Variants in STK32B observed in about 807,000 individuals in gnomAD.
The protein encoded by STK32B is serine/threonine-protein kinase 32B.
STK32B carries 43 observed loss-of-function variants against 52.6 expected under a neutral mutation model. The ratio of observed to expected loss-of-function variants is 0.82; its 90% CI spans 0.64 to 1.05. The LOEUF (loss-of-function observed/expected upper bound fraction) is 1.05. STK32B is among the 50% of genes least tolerant of loss of function. STK32B has a pLI of 0.00. For missense variants in STK32B, 621 were observed against 534.6 expected, an observed-to-expected ratio of 1.16 and a Z score of -1.59; for synonymous variants, 238 against 204.3, an observed-to-expected ratio of 1.17 and a Z score of -1.41.
At chr4:5,498,026 C>CTGCA (rs763020337) in intron 11 of STK32B, among the ~76,000 whole-genome samples, 6 of 152,098 alleles carry the variant, frequency 3.9e-5, no homozygotes, top group Non-Finnish European at 8.8e-5. Flanking sequence ...CCTTAGCCTC[C>CTGCA]TGCAAAGTGA....
At chr4:5,436,586 T>C (rs898156974) in intron 6 of STK32B, 1 of 985,266 alleles carries the variant, frequency 1.0e-6, no homozygotes, top group African/African-American at 1.7e-5. Flanking sequence ...GAAGCTATGC[T>C]GCTCCTAGGG....
intron 5 of STK32B, among the ~76,000 whole-genome samples, chr4:5,403,602 G>A (rs1028655959): frequency 1.3e-5 from 2 of 152,126 alleles, no homozygotes; most frequent in African/African-American, 4.8e-5. Context: ...CTCATTAACT[G>A]AACTCGTTTC....
At chr4:5,042,582 G>A in the STK32B span, among the ~76,000 whole-genome samples, 4 of 152,232 alleles carry the variant, frequency 2.6e-5, no homozygotes. Flanking sequence ...GCCATGAAGA[G>A]CCATGGCTCG....
chr4:5,203,445 G>A (rs1722313435), intron 3 of STK32B, among the ~76,000 whole-genome samples: 1 of 151,914 alleles, frequency 6.6e-6, no homozygotes, highest in South Asian at 2.1e-4. Context: ...TTTTCAAAAA[G>A]CAGCTGACCA....
At chr4:5,336,169 C>T (rs1000916048) in intron 4 of STK32B, among the ~76,000 whole-genome samples, 4 of 148,352 alleles carry the variant, frequency 2.7e-5, no homozygotes, top group African/African-American at 5.0e-5. Context: ...CCCACACACC[C>T]ACCCACACAC....
chr4:5,066,175 A>G (rs1225138092), intron 1 of STK32B, among the ~76,000 whole-genome samples: 1 of 152,196 alleles, frequency 6.6e-6, no homozygotes, highest in Non-Finnish European at 1.5e-5. Context: ...AGAATTTCCT[A>G]GTTTAGTGTA....
intron 3 of STK32B, among the ~76,000 whole-genome samples, chr4:5,188,237 C>T (rs1456568789): frequency 6.6e-6 from 1 of 152,128 alleles, no homozygotes; most frequent in Admixed American, 6.5e-5. Context: ...ATGGAGGCCA[C>T]GATGCTCGAT....
At chr4:5,221,322 C>T (rs765295701) in intron 3 of STK32B, among the ~76,000 whole-genome samples, 4 of 152,132 alleles carry the variant, frequency 2.6e-5, no homozygotes, top group African/African-American at 4.8e-5. Flanking sequence ...TTAATGGGCA[C>T]GCATTCCTGA....
intron 3 of STK32B, among the ~76,000 whole-genome samples, chr4:5,205,591 T>G (rs1261658494): frequency 6.6e-6 from 1 of 152,180 alleles, no homozygotes; most frequent in Admixed American, 6.5e-5. Flanking sequence ...GATACGGTTT[T>G]CCATCTTGGT....
chr4:5,272,121 G>A (rs1476031174), intron 3 of STK32B, among the ~76,000 whole-genome samples: 1 of 146,638 alleles, frequency 6.8e-6, no homozygotes, highest in Admixed American at 6.7e-5. Flanking sequence ...TGTCCATTCA[G>A]TATGATATTG....
At chr4:5,446,563 A>ATC in intron 6 of STK32B, 110 bp from the exon 7 acceptor site, 1 of 1,005,232 alleles carries the variant, frequency 9.9e-7, no homozygotes. Context: ...TCTCAAAAAA[A>ATC]AACAAAAAAA....
intron 3 of STK32B, among the ~76,000 whole-genome samples, chr4:5,249,296 G>C (rs1158837635): frequency 6.6e-6 from 1 of 152,156 alleles, no homozygotes; most frequent in East Asian, 1.9e-4. Flanking sequence ...ACGGGGTTCA[G>C]AGAAGTTAAT....
intron 4 of STK32B, among the ~76,000 whole-genome samples, chr4:5,389,734 C>A (rs936062614): frequency 3.3e-5 from 5 of 152,290 alleles, no homozygotes; most frequent in South Asian, 2.1e-4. Flanking sequence ...AATGCCCCCC[C>A]CAAAGATGCC....
intron 2 of STK32B, among the ~76,000 whole-genome samples, chr4:5,147,249 A>G (rs1245287803): frequency 6.6e-6 from 1 of 152,124 alleles, no homozygotes; most frequent in Non-Finnish European, 1.5e-5. Flanking sequence ...GTTTACTAGT[A>G]GGTATAAAAA....
intron 3 of STK32B, among the ~76,000 whole-genome samples, chr4:5,274,069 A>T (rs918363360): frequency 2.0e-5 from 3 of 152,234 alleles, no homozygotes; most frequent in Non-Finnish European, 4.4e-5. Flanking sequence ...TTGCAAATTT[A>T]TCCATATATT....
Position 5,470,734 on chromosome 4 carries a change from C to G in STK32B, c.1106+2664C>G, listed in dbSNP as rs918086878. The stretch of plus-strand genomic sequence containing the variant: ...ATGCCTATGAGAAGTTGATTCATGA[C>G]TCATGATTGCCTCAAAACAAGCATT... On this transcript the variant is annotated intron_variant, in intron 11 of 11. Transcript: ENST00000282908. The surrounding 1 kb of genome is among the most constrained non-coding windows in gnomAD (Gnocchi z 4.6). Among the ~76,000 whole-genome samples, 1 of 152,224 alleles carries G rather than the reference C, an allele frequency of 6.6e-6. No individual in the cohort carries two copies. The highest frequency in any genetic ancestry group is 2.4e-5 in the African/African-American group (1 of 41,454).
intron 4 of STK32B, among the ~76,000 whole-genome samples, chr4:5,343,726 G>T (rs1733256758): frequency 6.6e-6 from 1 of 152,112 alleles, no homozygotes; most frequent in Non-Finnish European, 1.5e-5. Flanking sequence ...TTGACAAATG[G>T]GATCTAATTA....
intron 3 of STK32B, among the ~76,000 whole-genome samples, chr4:5,199,492 G>GTTT (rs75767057): frequency 9.9e-5 from 14 of 141,558 alleles, no homozygotes; most frequent in African/African-American, 3.3e-4. Flanking sequence ...TGTGAATGCT[G>GTTT]TTTTTTTTTT....
At chr4:5,357,695 C>G (rs937322476) in intron 4 of STK32B, among the ~76,000 whole-genome samples, 1 of 124,494 alleles carries the variant, frequency 8.0e-6, no homozygotes, top group African/African-American at 3.5e-5. Flanking sequence ...ACATTCTGAC[C>G]TGCTAGTTTC....
Sources: allele counts gnomAD v4.1 joint callset (sites outside exome capture counted in the v4.1 genomes callset), GRCh38; gene constraint gnomAD v4.1.1; non-coding constraint Gnocchi (gnomAD v3.1); transcripts MANE v1.5; gene names NCBI Gene and HGNC (gene_info 2026-07-23, HGNC 2026-07-21).